The following LMTK3 variants were observed in gnomAD, a reference collection of about 807,000 sequenced individuals.
The protein encoded by LMTK3 is lemur tail kinase 3.
Under a neutral mutation model 116.7 loss-of-function variants are expected in LMTK3, and 27 were observed. That is an observed-to-expected ratio of 0.23 (90% CI 0.17 to 0.32). LMTK3 has a LOEUF of 0.32. Among genes scored for constraint, LMTK3 ranks in the 10% least tolerant of loss-of-function variants. The pLI is 1.00. For synonymous variants in LMTK3, 965 were observed against 971.0 expected, an observed-to-expected ratio of 0.99 and a Z score of 0.11; for missense variants, 1,764 against 2,068.5, an observed-to-expected ratio of 0.85 and a Z score of 2.86.
intron 14 of LMTK3, among the ~76,000 whole-genome samples, chr19:48,490,504 G>C (rs566531525): frequency 7.8e-6 from 1 of 129,014 alleles, no homozygotes; most frequent in East Asian, 2.3e-4. Context: ...CAGCCTGGGC[G>C]ACAGAGCGAG....
At chr19:48,499,940 G>T (rs750165453) in intron 10 of LMTK3, 23 bp from the exon 11 acceptor site, 4 of 1,560,510 alleles carry the variant, frequency 2.6e-6, no homozygotes, top group Non-Finnish European at 3.5e-6. Flanking sequence ...GGGGCAGAGT[G>T]AGCAGGGCAG....
Position 48,491,790 on chromosome 19 carries a change from C to T in LMTK3, c.4093-251G>A, listed in dbSNP as rs1007807486. Among the ~76,000 whole-genome samples, 20 of 152,176 alleles carry T rather than the reference C, an allele frequency of 1.3e-4. No homozygotes were observed. Among genetic ancestry groups the T allele is most frequent in the African/African-American group, 4.8e-4 (20 of 41,428 alleles). On this transcript the variant is annotated intron_variant, in intron 12 of 14. Coordinates refer to ENST00000600059, the MANE Select transcript of LMTK3 (RefSeq NM_001388485.1). This position sits in a 1 kb window ranked among gnomAD's most constrained non-coding sequence, Gnocchi z 5.1. ...CGGAGCCCCGCGCACAGCTAAGTAG[C>T]CCAACGCAGGGATTCTCTCCTGGCT...
intron 5 of LMTK3, among the ~76,000 whole-genome samples, chr19:48,505,326 C>T (rs1433772906): frequency 6.6e-6 from 1 of 151,370 alleles, no homozygotes; most frequent in African/African-American, 2.4e-5. Flanking sequence ...GTTGGCCAGG[C>T]TGGCCTTGAA....
Position 48,501,396 on chromosome 19 carries a change from G to A in LMTK3, c.888C>T (p.Tyr296=), listed in dbSNP as rs1205264554. ...GLAHSNYKED[Y]YLTPERLWIP... ...TCCACAGGCGCTCTGGGGTCAGGTAGTAGTCCTCCTGAGGGAACCAGGGCG... is the reference window on the plus strand; with the variant it reads ...TCCACAGGCGCTCTGGGGTCAGGTAATAGTCCTCCTGAGGGAACCAGGGCG... The change falls in exon 9 of 15, where the codon TAC becomes TAT. Residue 296 remains tyrosine, a synonymous_variant. Transcript: ENST00000600059. 1 of 1,613,048 alleles carries A rather than the reference G, an allele frequency of 6.2e-7. No homozygotes were observed. The highest frequency in any genetic ancestry group is 1.1e-5 in the South Asian group (1 of 91,070).
Position 48,499,078 on chromosome 19 carries a change from C to G in LMTK3, c.1991G>C (p.Arg664Pro). 1 of 1,546,272 alleles carries G rather than the reference C, an allele frequency of 6.5e-7. No individual in the cohort carries two copies. Among genetic ancestry groups the G allele is most frequent in the South Asian group, 1.2e-5 (1 of 83,942 alleles). The part of the protein sequence containing the change: ...SSSLGGGPSR[R>P]GPLPCPLCSR... ...GCACAGGGGACAGGGTAGGGGACCCCGGCGGCTTGGGCCACCTCCAAGGCT... is the reference window on the plus strand; with the variant it reads ...GCACAGGGGACAGGGTAGGGGACCCGGGCGGCTTGGGCCACCTCCAAGGCT... Residue 664 changes from arginine to proline, a missense_variant, in exon 11 of 15, where the codon CGG (arginine) becomes CCG (proline). By Grantham distance (103) the Arg-to-Pro change is moderately radical (BLOSUM62 -2). Transcript: ENST00000600059.
rs1279908542 is a variant in LMTK3, at chr19:48,499,371, G to A, written c.1698C>T (p.Ala566=). The part of the protein sequence containing the change: ...DWDPLDPGVP[A]PQAPQAPSEV... ...CGGAGGGGGCCTGGGGGGCCTGAGG[G>A]GCGGGCACTCCTGGGTCCAGGGGGT... Residue 566 remains alanine, a synonymous_variant, in exon 11 of 15, where the codon GCC becomes GCT. Transcript: ENST00000600059. 2.8e-6 allele frequency: 4 copies of A among 1,426,816 alleles called. No homozygotes were observed. Among genetic ancestry groups the A allele is most frequent in the African/African-American group, 1.5e-5 (1 of 68,590 alleles). The allele number at this position is 1,426,816 out of a possible 1,614,324, so 88.4% of individuals were successfully genotyped here.
At position 48,493,630 on chromosome 19, in the gene LMTK3, C is replaced by G. The variant is rs1972267991; in HGVS notation, c.4092+64G>C. ...GCTCGGCCTCCCGCCAGGCCCTTCC[C>G]GGCTCTAGGCTCCTGCTCCCTCCAG... On this transcript the variant is annotated intron_variant, in intron 12 of 14. Coordinates refer to ENST00000600059, the MANE Select transcript of LMTK3 (RefSeq NM_001388485.1). 4.0e-6 allele frequency: 6 copies of G among 1,504,364 alleles called. No individual in the cohort carries two copies. In the South Asian group the frequency reaches 6.2e-5, roughly 15 times the overall value. 93.2% of individuals were successfully genotyped at this position (1,504,364 alleles called of 1,614,324 possible).
At chr19:48,502,826 G>A (rs1972496450) in intron 6 of LMTK3, 83 bp downstream of exon 6, 7 of 1,050,816 alleles carry the variant, frequency 6.7e-6, no homozygotes, top group Admixed American at 2.2e-5. Context: ...TGATGATGAC[G>A]ACGAAGCCCA....
At position 48,499,528 on chromosome 19, in the gene LMTK3, AAAGGGTTGG is replaced by A; in HGVS notation, c.1532_1540del (p.Ser511_Pro513del). On this transcript the variant is annotated inframe_deletion, in exon 11 of 15. Transcript: ENST00000600059. ...GCTGGGCGTGGACAGCGCCTCGTAG[AAAGGGTTGG>A]AGGGGTTGGCGTGGGGGGCCGGGGG... 6.7e-7 allele frequency: 1 copy of A among 1,486,526 alleles called. No individual in the cohort carries two copies. The highest frequency in any genetic ancestry group is 8.9e-7 in the Non-Finnish European group (1 of 1,119,392). 92.1% of individuals were successfully genotyped at this position (1,486,526 alleles called of 1,614,324 possible). A position where few individuals can be genotyped will look rare whatever the true frequency, so the allele number is the denominator to read the frequency against.
chr19:48,502,284 G>T, intron 7 of LMTK3, 149 bp downstream of exon 7: 2 of 905,796 alleles, frequency 2.2e-6, no homozygotes, highest in Non-Finnish European at 3.2e-6. Context: ...CTCCTCTCCT[G>T]GCCCCTTCTC....
Position 48,500,386 on chromosome 19 carries a change from C to T in LMTK3, c.1152-469G>A, listed in dbSNP as rs1164583360. Among the ~76,000 whole-genome samples the T allele has an allele frequency of 2.7e-5, 4 of 150,876 alleles. No individual in the cohort carries two copies. The highest frequency in any genetic ancestry group is 4.4e-5 in the Non-Finnish European group (3 of 67,850). The stretch of plus-strand genomic sequence containing the variant: ...TTGCAGTGAGCCAAGATCGTGCCAT[C>T]GCACTCCAGCCTGGGCAACAAAAGC... On this transcript the variant is annotated intron_variant, in intron 10 of 14. Transcript: ENST00000600059. This position sits in a 1 kb window ranked among gnomAD's most constrained non-coding sequence, Gnocchi z 4.0.
chr19:48,485,909 T>TTCCC, intron 14 of LMTK3, 120 bp from the exon 15 acceptor site: 1 of 998,108 alleles, frequency 1.0e-6, no homozygotes. Context: ...ATCTGCTCTG[T>TTCCC]TCCCTCTCTG....
chr19:48,498,621 T>C lies in LMTK3; in HGVS notation c.2448A>G (p.Glu816=). Residue 816 remains glutamate, a synonymous_variant, in exon 11 of 15, where the codon GAA becomes GAG. Coordinates refer to ENST00000600059, the MANE Select transcript of LMTK3 (RefSeq NM_001388485.1). ...GGGGAGCCCGCGGCCGAGGGACCCC[T>C]TCCTCCTCGGCCGCCCCCCCACCTG... ...AFPGGGAAEE[E]GVPRPRAPPE... is the part of the protein sequence containing the mutation. 1.9e-6 allele frequency: 3 copies of C among 1,542,484 alleles called. No individual in the cohort carries two copies. Among genetic ancestry groups the C allele is most frequent in the Non-Finnish European group, 2.6e-6 (3 of 1,143,870 alleles).
In LMTK3 at chr19:48,499,315, G is replaced by A. The variant is rs1047877881; in HGVS notation, c.1754C>T (p.Ala585Val). ...EVPQLVSETW[A>V]SPLFPAPRPF... ...CCGGGGCGCAGGGAAGAGGGGGGAG[G>A]CCCAGGTCTCGGACACCAGCTGGGG... The change falls in exon 11 of 15, where the codon GCC becomes GTC. Residue 585 changes from alanine (A) to valine (V), a missense_variant. Physicochemically the swap from Ala to Val is moderately conservative, Grantham distance 64 (BLOSUM62 0). Around this residue, in one of 7 missense-constraint regions of LMTK3, gnomAD observed 1,028 missense variants for 1,050.6 expected, o/e 0.98. Coordinates refer to ENST00000600059, the MANE Select transcript of LMTK3 (RefSeq NM_001388485.1). 2.8e-5 allele frequency: 39 copies of A among 1,416,368 alleles called. No individual in the cohort carries two copies. Among genetic ancestry groups the A allele is most frequent in the Admixed American group, 9.0e-5 (3 of 33,212 alleles). 87.7% of individuals were successfully genotyped at this position (1,416,368 alleles called of 1,614,324 possible).
Position 48,494,097 on chromosome 19 carries a change from C to T in LMTK3, c.3689G>A (p.Arg1230Gln). The change falls in exon 12 of 15, where the codon CGG becomes CAG. Residue 1230 changes from arginine to glutamine, a missense_variant. This residue lies in a region of LMTK3 where 39 missense variants were observed against 75.4 expected (regional missense o/e 0.52). Transcript: ENST00000600059. The surrounding 1 kb of genome is among the most constrained non-coding windows in gnomAD (Gnocchi z 4.0). ...NSEQIKARLS[R>Q]LSLALPPLTL... Reference sequence around the variant, plus strand: ...GAGCGGCGGCAGCGCCAGCGAGAGCCGGGAGAGCCTGGCTGCGAGGGGAGA... The same window carrying T: ...GAGCGGCGGCAGCGCCAGCGAGAGCTGGGAGAGCCTGGCTGCGAGGGGAGA... 1 of 1,198,238 alleles carries T rather than the reference C, an allele frequency of 8.3e-7. No individual in the cohort carries two copies. Among genetic ancestry groups the T allele is most frequent in the Non-Finnish European group, 1.0e-6 (1 of 964,954 alleles). 74.2% of individuals were successfully genotyped at this position (1,198,238 alleles called of 1,614,324 possible).
intron 14 of LMTK3, among the ~76,000 whole-genome samples, chr19:48,487,385 G>A (rs560811144): frequency 2.4e-4 from 37 of 151,898 alleles, no homozygotes; most frequent in South Asian, 6.2e-4. Flanking sequence ...CATGTTGGCC[G>A]GCTGGTCTCG....
At chr19:48,495,450 C>A (rs1207293936) in intron 11 of LMTK3, among the ~76,000 whole-genome samples, 1 of 152,208 alleles carries the variant, frequency 6.6e-6, no homozygotes, top group Non-Finnish European at 1.5e-5. Context: ...GCGGGCCATT[C>A]TCTGCCTCTT....
chr19:48,493,567 T>A, intron 12 of LMTK3, 127 bp downstream of exon 12: 19 of 473,618 alleles, frequency 4.0e-5, no homozygotes, highest in Middle Eastern at 1.1e-3. Context: ...CCCGCCCCAC[T>A]CCAGCTCCGC....
At chr19:48,492,867 C>A (rs977025796) in intron 12 of LMTK3, among the ~76,000 whole-genome samples, 2 of 152,130 alleles carry the variant, frequency 1.3e-5, no homozygotes, top group African/African-American at 4.8e-5. Flanking sequence ...CCGTCACAAG[C>A]CCTGCCCTCA....
Sources: allele counts gnomAD v4.1 joint callset (sites outside exome capture counted in the v4.1 genomes callset), GRCh38; gene constraint gnomAD v4.1.1; regional missense constraint gnomAD v4.1.1; non-coding constraint Gnocchi (gnomAD v3.1); transcripts MANE v1.5; gene names NCBI Gene and HGNC (gene_info 2026-07-23, HGNC 2026-07-21).